The following TPI1 variants were observed in gnomAD, a reference collection of about 807,000 sequenced individuals.
TPI1 encodes triosephosphate isomerase.
In TPI1, 11 loss-of-function variants were observed where a neutral mutation model predicts 31.0. The ratio of observed to expected loss-of-function variants is 0.36; its 90% CI spans 0.22 to 0.59. TPI1 has a LOEUF of 0.59. Among genes scored for constraint, TPI1 ranks in the 20% least tolerant of loss-of-function variants. TPI1 has a pLI of 0.79. For synonymous variants in TPI1, 121 were observed against 122.8 expected (o/e 0.99, Z 0.10); for missense variants, 245 against 319.7 (o/e 0.77, Z 1.78).
At chr12:6,867,904 A>AT (rs1944493198) in intron 1 of TPI1, among the ~76,000 whole-genome samples, 1 of 152,142 alleles carries the variant, frequency 6.6e-6, no homozygotes, top group Admixed American at 6.5e-5. Flanking sequence ...CCCTTGGACT[A>AT]TGGGGCAGGT....
chr12:6,869,624 G>A (rs1476059349), intron 4 of TPI1, 64 bp from the exon 5 acceptor site: 3 of 1,580,202 alleles, frequency 1.9e-6, no homozygotes, highest in Non-Finnish European at 2.6e-6. Context: ...TCGTACTCCG[G>A]AGAACCTGGC....
In TPI1 at chr12:6,870,561, G is replaced by A. The variant is rs144171030; in HGVS notation, c.*178G>A. The A allele has an allele frequency of 4.6e-4, 353 of 766,316 alleles. 1 individual carries two copies. In the East Asian group the frequency reaches 8.3e-3, roughly 18 times the overall value. 47.5% of individuals were successfully genotyped at this position (766,316 alleles called of 1,614,324 possible). A position where few individuals can be genotyped will look rare whatever the true frequency, so the allele number is the denominator to read the frequency against. ...CTTCACCCTGTAATGGTTGGGACCA[G>A]GCCAATCCCTTCTCCACTTACTATA... is the stretch of plus-strand genomic sequence containing the variant. On this transcript the variant is annotated 3_prime_UTR_variant, in exon 7 of 7. Transcript: ENST00000396705.
At position 6,869,202 on chromosome 12, in the gene TPI1, A is replaced by G. The variant is rs1232331185; in HGVS notation, c.324+19A>G. On this transcript the variant is annotated intron_variant, in intron 3 of 6. Transcript: ENST00000396705. ...AGATGAGGTTAGTAGCCAAGAGAGAAGATAAGGGATGTCTTTTTCCAAGAA... is the reference window on the plus strand; with the variant it reads ...AGATGAGGTTAGTAGCCAAGAGAGAGGATAAGGGATGTCTTTTTCCAAGAA... 2 of 1,614,020 alleles carry G rather than the reference A, an allele frequency of 1.2e-6. No individual in the cohort carries two copies. The highest frequency in any genetic ancestry group is 2.7e-5 in the African/African-American group (2 of 74,922).
At chr12:6,869,869 C>T (rs1555132423) in intron 5 of TPI1, 96 bp downstream of exon 5, 1 of 1,480,498 alleles carries the variant, frequency 6.8e-7, no homozygotes, top group Non-Finnish European at 9.4e-7. Context: ...TTCAAAGACA[C>T]AGAGACCTTG....
chr12:6,868,049 C>T, intron 1 of TPI1: 1 of 1,224,358 alleles, frequency 8.2e-7, no homozygotes, highest in Non-Finnish European at 1.0e-6. Flanking sequence ...GTGGGCTTCC[C>T]GCTCCCTGCG....
At chr12:6,868,769 G>A in intron 1 of TPI1, 95 bp from the exon 2 acceptor site, 1 of 1,526,322 alleles carries the variant, frequency 6.6e-7, no homozygotes, top group Non-Finnish European at 8.8e-7. Flanking sequence ...GAAGAAGAGG[G>A]TGAGGGCTGG....
chr12:6,868,843 G>A (rs1200287151), intron 1 of TPI1, 21 bp from the exon 2 acceptor site: 1 of 1,609,262 alleles, frequency 6.2e-7, no homozygotes, highest in Non-Finnish European at 8.5e-7. Flanking sequence ...TCATCCCCCT[G>A]TGGTACCATC....
intron 1 of TPI1, 107 bp from the exon 2 acceptor site, chr12:6,868,757 A>T: frequency 6.6e-7 from 1 of 1,507,882 alleles, no homozygotes; most frequent in Non-Finnish European, 8.9e-7. Context: ...GAGCAGAACC[A>T]AGAAGAAGAG....
At chr12:6,868,133 C>G (rs1555131772) in intron 1 of TPI1, 1 of 1,268,508 alleles carries the variant, frequency 7.9e-7, no homozygotes, top group South Asian at 1.2e-5. Flanking sequence ...GTCCGCGTCC[C>G]CGCGCCGAGC....
chr12:6,867,533 A>G lies in TPI1; in HGVS notation c.-34A>G. The G allele has an allele frequency of 3.1e-6, 5 of 1,606,896 alleles. No homozygotes were observed. Among genetic ancestry groups the G allele is most frequent in the Non-Finnish European group, 4.2e-6 (5 of 1,177,110 alleles). Reference sequence around the variant, plus strand: ...GTGGGCAGTGGCCGCGACTGCGCGCAGACACTGACCTTCAGCGCCTCGGCT... The same window carrying G: ...GTGGGCAGTGGCCGCGACTGCGCGCGGACACTGACCTTCAGCGCCTCGGCT... On this transcript the variant is annotated 5_prime_UTR_variant, in exon 1 of 7. Transcript: ENST00000396705.
Position 6,870,908 on chromosome 12 carries a change from C to CAA in TPI1, c.*526_*527dup, listed in dbSNP as rs782174771. 6.8e-6 allele frequency: 4 copies of CAA among 591,410 alleles called. No individual in the cohort carries two copies. The Admixed American group carries it at 7.9e-5, about 12-fold the overall frequency. 36.6% of individuals were successfully genotyped at this position (591,410 alleles called of 1,614,324 possible). On this transcript the variant is annotated 3_prime_UTR_variant, in exon 7 of 7. Coordinates refer to ENST00000396705, the MANE Select transcript of TPI1 (RefSeq NM_000365.6). ...GCAGCTATATAAATGATCATTTGTG[C>CAA]AAGAAAAAAAAAAAAACAAGAACAG...
Position 6,867,981 on chromosome 12 carries a change from C to T in TPI1, c.115+300C>T, listed in dbSNP as rs145353162. ...GCGCACTGGGGCTGTGCCCGCCAGG[C>T]GACGGGGTTAGGAGCGGAGCCCGAG... is the stretch of plus-strand genomic sequence containing the variant. On this transcript the variant is annotated intron_variant, in intron 1 of 6. Coordinates refer to ENST00000396705, the MANE Select transcript of TPI1 (RefSeq NM_000365.6). The T allele has an allele frequency of 1.2e-3, 1,170 of 1,017,174 alleles. 15 individuals are homozygous for T. In the African/African-American group the frequency reaches 0.019, roughly 17 times the overall value. 63.0% of individuals were successfully genotyped at this position (1,017,174 alleles called of 1,614,324 possible).
At chr12:6,869,224 A>G in intron 3 of TPI1, 34 bp from the exon 4 acceptor site, 2 of 1,614,134 alleles carry the variant, frequency 1.2e-6, no homozygotes, top group Non-Finnish European at 1.7e-6. Context: ...TCTTTTTCCA[A>G]GAAGGATGTC....
rs1944543575 is a variant in TPI1, at chr12:6,869,707, C to G, written c.477C>G (p.Ser159Arg). The change falls in exon 5 of 7, where the codon AGC becomes AGG. Residue 159 changes from serine to arginine, a missense_variant. Ser to Arg is a moderately radical substitution (Grantham distance 110, BLOSUM62 -1). Around this residue, in one of 3 missense-constraint regions of TPI1, gnomAD observed 127 missense variants for 163.7 expected, o/e 0.78. Coordinates refer to ENST00000396705, the MANE Select transcript of TPI1 (RefSeq NM_000365.6). ...KVIADNVKDW[S>R]KVVLAYEPVW... ...CTGCAGATAACGTGAAGGACTGGAG[C>G]AAGGTCGTCCTGGCCTATGAGCCTG... 8.7e-6 allele frequency: 14 copies of G among 1,614,118 alleles called. No individual in the cohort carries two copies. Among genetic ancestry groups the G allele is most frequent in the Non-Finnish European group, 1.1e-5 (13 of 1,180,046 alleles).
At chr12:6,867,766 G>T in intron 1 of TPI1, 85 bp downstream of exon 1, 1 of 1,364,726 alleles carries the variant, frequency 7.3e-7, no homozygotes, top group Non-Finnish European at 9.7e-7. Context: ...AGGCCCCGAG[G>T]CCCCGAGGCC....
At position 6,870,039 on chromosome 12, in the gene TPI1, C is replaced by T; in HGVS notation, c.544-10C>T. The T allele has an allele frequency of 6.2e-7, 1 of 1,612,114 alleles. No homozygotes were observed. The highest frequency in any genetic ancestry group is 8.5e-7 in the Non-Finnish European group (1 of 1,178,054). On this transcript the variant is annotated splice_polypyrimidine_tract_variant and intron_variant, in intron 5 of 6. Transcript: ENST00000396705. ...GAAAAGGTCTTACTTAGGCCAGCTT[C>T]TTGTTCTAGGCCCAGGAAGTACACG...
Position 6,870,532 on chromosome 12 carries a change from A to G in TPI1, c.*149A>G, listed in dbSNP as rs1172522047. ...CAAACTGTATCTTCCTTTACTGTTT[A>G]TATCTTCACCCTGTAATGGTTGGGA... On this transcript the variant is annotated 3_prime_UTR_variant, in exon 7 of 7. Transcript: ENST00000396705. 5.1e-6 allele frequency: 4 copies of G among 785,138 alleles called. No homozygotes were observed. The highest frequency in any genetic ancestry group is 9.4e-6 in the Non-Finnish European group (4 of 425,170). The allele number at this position is 785,138 out of a possible 1,614,324, so 48.6% of individuals were successfully genotyped here. A position where few individuals can be genotyped will look rare whatever the true frequency, so the allele number is the denominator to read the frequency against.
intron 1 of TPI1, 64 bp downstream of exon 1, chr12:6,867,745 G>A (rs781867266): frequency 2.0e-6 from 3 of 1,468,040 alleles, no homozygotes; most frequent in Non-Finnish European, 2.7e-6. Flanking sequence ...GAGTGGCAGC[G>A]CCCTCTCCCG....
intron 6 of TPI1, 48 bp from the exon 7 acceptor site, chr12:6,870,213 GGGGC>G: frequency 6.2e-7 from 1 of 1,601,828 alleles, no homozygotes; most frequent in Non-Finnish European, 8.6e-7. Context: ...AGGTGGGGAT[GGGGC>G]AGACTCATCC....
Sources: gnomAD v4.1 joint callset for allele counts (sites outside exome capture counted in the v4.1 genomes callset) on GRCh38, gnomAD v4.1.1 for gene constraint, gnomAD v4.1.1 regional missense constraint, MANE v1.5 for transcripts, NCBI Gene and HGNC (gene_info 2026-07-23, HGNC 2026-07-21) for gene names.